FCHSD2: variants seen among roughly 807,000 people sequenced by gnomAD.
FCHSD2 encodes the protein F-BAR and double SH3 domains protein 2.
Under a neutral mutation model 108.1 loss-of-function variants are expected in FCHSD2, and 38 were observed. That is an observed-to-expected ratio of 0.35 (90% confidence interval 0.27 to 0.46). The LOEUF is 0.46. Ranked by LOEUF, FCHSD2 falls within the 20% of genes least tolerant of loss-of-function variation. FCHSD2 has a pLI of 1.00. For missense variants in FCHSD2, 751 were observed against 897.8 expected, an observed-to-expected ratio of 0.84 and a Z score of 2.09; for synonymous variants, 279 against 314.7, an observed-to-expected ratio of 0.89 and a Z score of 1.20.
intron 9 of FCHSD2, among the ~76,000 whole-genome samples, chr11:72,908,801 T>C (rs1479837726): frequency 6.6e-6 from 1 of 152,020 alleles, no homozygotes; most frequent in East Asian, 1.9e-4. Context: ...TACAGACATA[T>C]GCCACTATGC....
At chr11:73,039,457 G>C (rs1450847028) in intron 3 of FCHSD2, among the ~76,000 whole-genome samples, 1 of 151,758 alleles carries the variant, frequency 6.6e-6, no homozygotes, top group African/African-American at 2.4e-5. Flanking sequence ...GATGGAGGTA[G>C]CAGTGAGCCG....
intron 6 of FCHSD2, among the ~76,000 whole-genome samples, chr11:72,986,109 A>T (rs1451052647): frequency 6.6e-6 from 1 of 152,252 alleles, no homozygotes; most frequent in African/African-American, 2.4e-5. Flanking sequence ...TCAGGGATGA[A>T]CACATATGCA....
chr11:72,873,070 CTA>C (rs1287112161), intron 12 of FCHSD2, among the ~76,000 whole-genome samples: 2 of 151,730 alleles, frequency 1.3e-5, no homozygotes, highest in Non-Finnish European at 2.9e-5. Context: ...TGGCTCATGC[CTA>C]TAATCCCAGC....
chr11:73,072,452 A>T (rs185646571), intron 3 of FCHSD2, among the ~76,000 whole-genome samples: 14 of 152,136 alleles, frequency 9.2e-5, no homozygotes, highest in Admixed American at 6.5e-4. Flanking sequence ...TGAAGTTTTT[A>T]AAAACTTAAA....
chr11:73,027,843 G>A (rs1440447303), intron 3 of FCHSD2, among the ~76,000 whole-genome samples: 1 of 152,246 alleles, frequency 6.6e-6, no homozygotes, highest in African/African-American at 2.4e-5. Context: ...GGCTAAAAGG[G>A]GCCAAGGTAC....
chr11:72,877,885 AG>A (rs1855002245), intron 12 of FCHSD2, among the ~76,000 whole-genome samples: 1 of 152,188 alleles, frequency 6.6e-6, no homozygotes, highest in South Asian at 2.1e-4. Flanking sequence ...ACATGTCTGT[AG>A]CCCCAGCTAT....
chr11:72,844,916 C>T (rs887207203), intron 14 of FCHSD2, among the ~76,000 whole-genome samples: 1 of 152,072 alleles, frequency 6.6e-6, no homozygotes, highest in Non-Finnish European at 1.5e-5. Context: ...GGAAAAAACC[C>T]CACTCATTTA....
intron 14 of FCHSD2, among the ~76,000 whole-genome samples, chr11:72,844,233 A>G (rs536536678): frequency 1.3e-5 from 2 of 152,192 alleles, no homozygotes; most frequent in Non-Finnish European, 2.9e-5. Flanking sequence ...CTGCTACCAG[A>G]GGGCTCCCAT....
chr11:72,918,801 T>C (rs1293523021), intron 9 of FCHSD2, among the ~76,000 whole-genome samples: 1 of 152,170 alleles, frequency 6.6e-6, no homozygotes, highest in Admixed American at 6.5e-5. Flanking sequence ...TTGGAAGGCA[T>C]TTCCTTATGG....
intron 3 of FCHSD2, among the ~76,000 whole-genome samples, chr11:73,027,723 A>G (rs1278002390): frequency 2.6e-5 from 4 of 152,254 alleles, no homozygotes; most frequent in African/African-American, 9.6e-5. Flanking sequence ...TCACAGGCCC[A>G]GGAGGCCTAG....
chr11:73,002,422 T>C (rs1266956046), intron 4 of FCHSD2, among the ~76,000 whole-genome samples: 1 of 152,180 alleles, frequency 6.6e-6, no homozygotes, highest in African/African-American at 2.4e-5. Flanking sequence ...GCAAAACGAA[T>C]GCTCTCCATG....
chr11:72,867,515 A>G (rs1854754309), intron 13 of FCHSD2, among the ~76,000 whole-genome samples: 1 of 152,198 alleles, frequency 6.6e-6, no homozygotes, highest in Non-Finnish European at 1.5e-5. Context: ...CATTTTCACT[A>G]AAGAAGACCT....
At chr11:72,871,907 T>C (rs1854867572) in intron 12 of FCHSD2, among the ~76,000 whole-genome samples, 1 of 152,048 alleles carries the variant, frequency 6.6e-6, no homozygotes, top group African/African-American at 2.4e-5. Flanking sequence ...ATAATTTTGA[T>C]TTCCCTCCGA....
At chr11:72,976,453 A>AT (rs1857105534) in intron 8 of FCHSD2, among the ~76,000 whole-genome samples, 1 of 151,778 alleles carries the variant, frequency 6.6e-6, no homozygotes, top group Admixed American at 6.6e-5. Context: ...TAATTTTTAA[A>AT]TTTTTTTGTA....
At chr11:73,081,658 C>T (rs967851749) in intron 3 of FCHSD2, among the ~76,000 whole-genome samples, 2 of 151,980 alleles carry the variant, frequency 1.3e-5, no homozygotes, top group Non-Finnish European at 2.9e-5. Context: ...TCCCCACTAG[C>T]TGGGATTACA....
At chr11:73,116,241 C>T (rs925371500) in intron 2 of FCHSD2, among the ~76,000 whole-genome samples, 21 of 152,194 alleles carry the variant, frequency 1.4e-4, no homozygotes, top group Non-Finnish European at 2.4e-4. Flanking sequence ...TTTATAAAAA[C>T]CCAATTTCAT....
At position 72,843,544 on chromosome 11, in the gene FCHSD2, G is replaced by C. The variant is rs756887749; in HGVS notation, c.1444-12C>G. 5 of 1,601,590 alleles carry C rather than the reference G, an allele frequency of 3.1e-6. No individual in the cohort carries two copies. The highest frequency in any genetic ancestry group is 2.2e-5 in the South Asian group (2 of 90,840). ...TCTGGTTGAGAAGCCTGCAGTGTAG[G>C]ATGGTCATGGACAAAATTAAAAAGG... On this transcript the variant is annotated splice_polypyrimidine_tract_variant and intron_variant, in intron 14 of 19. Transcript: ENST00000409418.
At chr11:72,957,394 T>C (rs561037621) in intron 8 of FCHSD2, among the ~76,000 whole-genome samples, 80 of 151,410 alleles carry the variant, frequency 5.3e-4, no homozygotes, top group African/African-American at 1.8e-3. Context: ...TAGTATTCCA[T>C]GGTGTATATG....
At chr11:73,056,915 T>C (rs1394963033) in intron 3 of FCHSD2, among the ~76,000 whole-genome samples, 1 of 151,924 alleles carries the variant, frequency 6.6e-6, no homozygotes, top group Non-Finnish European at 1.5e-5. Flanking sequence ...ACCCCATCTC[T>C]ACTAAAAATA....
Sources: allele counts gnomAD v4.1 joint callset (sites outside exome capture counted in the v4.1 genomes callset), GRCh38; gene constraint gnomAD v4.1.1; transcripts MANE v1.5; gene names NCBI Gene and HGNC (gene_info 2026-07-23, HGNC 2026-07-21).